Variants in MTAP observed in about 807,000 individuals in gnomAD.
The protein encoded by MTAP is S-methyl-5'-thioadenosine phosphorylase.
MTAP carries 33 observed loss-of-function variants against 33.6 expected under a neutral mutation model. That is an observed-to-expected ratio of 0.98 (90% CI 0.74 to 1.31). The LOEUF (loss-of-function observed/expected upper bound fraction) is 1.31, where lower values mean the gene tolerates loss of function less well. MTAP is among the 40% of genes most tolerant of loss of function. MTAP has a pLI of 0.00. For synonymous variants in MTAP, 148 were observed against 125.7 expected (o/e 1.18, Z -1.19); for missense variants, 367 against 360.0 (o/e 1.02, Z -0.16).
intron 1 of MTAP, among the ~76,000 whole-genome samples, chr9:21,809,590 G>C (rs1587194933): frequency 6.6e-6 from 1 of 150,562 alleles, no homozygotes; most frequent in African/African-American, 2.5e-5. Flanking sequence ...AGTGAGCCGA[G>C]ATCGCACCAC....
intron 4 of MTAP, among the ~76,000 whole-genome samples, chr9:21,825,301 A>T (rs559388312): frequency 6.6e-6 from 1 of 152,132 alleles, no homozygotes; most frequent in African/African-American, 2.4e-5. Flanking sequence ...TGTTGCTTCC[A>T]TATCTTGGCT....
chr9:21,842,633 G>A (rs901460689), intron 5 of MTAP, among the ~76,000 whole-genome samples: 1 of 152,138 alleles, frequency 6.6e-6, no homozygotes, highest in African/African-American at 2.4e-5. Context: ...ATTATTCTCA[G>A]CCAAGAATTT....
At chr9:21,820,167 T>C (rs1191624902) in intron 4 of MTAP, among the ~76,000 whole-genome samples, 3 of 152,230 alleles carry the variant, frequency 2.0e-5, no homozygotes, top group South Asian at 2.1e-4. Context: ...TTTGTCAATT[T>C]TGGCTTTTGT....
chr9:21,805,180 T>C (rs1380220392), intron 1 of MTAP, among the ~76,000 whole-genome samples: 3 of 142,528 alleles, frequency 2.1e-5, no homozygotes, highest in African/African-American at 8.4e-5. Flanking sequence ...TCAGCCCAAG[T>C]ACCTCTCTTC....
At chr9:21,940,269 A>C (rs1332580235), downstream of MTAP, among the ~76,000 whole-genome samples, 3 of 152,240 alleles carry the variant, frequency 2.0e-5, no homozygotes, top group East Asian at 5.8e-4. Flanking sequence ...GTCCCAGCAA[A>C]GTATACTTTG....
chr9:21,894,035 C>A (rs569010718), intron 1 of MTAP, among the ~76,000 whole-genome samples: 1 of 151,642 alleles, frequency 6.6e-6, no homozygotes, highest in Non-Finnish European at 1.5e-5. Flanking sequence ...AGCATTGTAT[C>A]AAAAAGCTAA....
At chr9:21,932,777 A>G (rs1818983599), downstream of MTAP, 1 of 152,180 alleles carries the variant, frequency 6.6e-6, no homozygotes, top group Non-Finnish European at 1.5e-5. Flanking sequence ...TACATGTATA[A>G]AACTCTTTCT....
chr9:21,875,139 A>T (rs1825987326), intron 1 of MTAP, among the ~76,000 whole-genome samples: 1 of 152,084 alleles, frequency 6.6e-6, no homozygotes, highest in African/African-American at 2.4e-5. Flanking sequence ...CAATAAACAT[A>T]GTGTGCATGT....
rs748934916 is a variant in MTAP, at chr9:21,931,138, C to T, written c.278C>T (p.Pro93Leu). 6 of 758,572 alleles carry T rather than the reference C, an allele frequency of 7.9e-6. No homozygotes were observed. In the African/African-American group the frequency reaches 1.0e-4, roughly 13 times the overall value. The allele number at this position is 758,572 out of a possible 1,614,324, so 47.0% of individuals were successfully genotyped here. A position where few individuals can be genotyped will look rare whatever the true frequency, so the allele number is the denominator to read the frequency against. ...AGAGGTGAAATCCTGCCCCTGTCTC[C>T]CTTAGACCTGGCTGGATACTGCTTC... The change falls in exon 2 of 2, where the codon CCC (proline) becomes CTC (leucine). Residue 93 changes from proline to leucine, a missense_variant. Coordinates refer to the MTAP transcript ENST00000577563.
chr9:21,829,813 A>C (rs1824922794), intron 4 of MTAP, among the ~76,000 whole-genome samples: 1 of 152,184 alleles, frequency 6.6e-6, no homozygotes, highest in Non-Finnish European at 1.5e-5. Flanking sequence ...GCTGATTTTT[A>C]GGGTTGTTTT....
At chr9:21,937,892 C>G (rs947918788), downstream of MTAP, among the ~76,000 whole-genome samples, 3 of 152,132 alleles carry the variant, frequency 2.0e-5, no homozygotes, top group Non-Finnish European at 2.9e-5. Context: ...GTAATTCTAG[C>G]ACTTTGGGAG....
In MTAP at chr9:21,925,303, A is replaced by G. The variant is rs964238984; in HGVS notation, c.148-5705A>G. Among the ~76,000 whole-genome samples the G allele has an allele frequency of 4.6e-5, 7 of 152,334 alleles. No homozygotes were observed. The South Asian group carries it at 1.0e-3, about 23-fold the overall frequency. ...TAGACCCAGAGACATCACAAGGGCA[A>G]CTGGTCCTGAAGGACCATTTTTTAA... is the stretch of plus-strand genomic sequence containing the variant. On this transcript the variant is annotated intron_variant, in intron 1 of 1. Transcript: ENST00000577563.
At chr9:21,932,611 C>T (rs1014592908), downstream of MTAP, 17 of 152,086 alleles carry the variant, frequency 1.1e-4, no homozygotes, top group African/African-American at 3.6e-4. Context: ...TTTCCCACAC[C>T]CCTATGATTG....
At chr9:21,816,612 A>G in intron 2 of MTAP, 102 bp from the exon 3 acceptor site, 1 of 946,086 alleles carries the variant, frequency 1.1e-6, no homozygotes, top group Non-Finnish European at 1.6e-6. Flanking sequence ...TTGTATCCTC[A>G]GACTCTTCAG....
chr9:21,848,503 G>A (rs1229362322), intron 5 of MTAP, among the ~76,000 whole-genome samples: 1 of 152,062 alleles, frequency 6.6e-6, no homozygotes, highest in Non-Finnish European at 1.5e-5. Flanking sequence ...TTATTTACTT[G>A]CTTGGTTTGC....
chr9:21,908,985 T>C (rs952577246), intron 1 of MTAP, among the ~76,000 whole-genome samples: 1 of 152,102 alleles, frequency 6.6e-6, no homozygotes, highest in Non-Finnish European at 1.5e-5. Context: ...ATCAGTGTTA[T>C]AACTTTTGCT....
intron 1 of MTAP, among the ~76,000 whole-genome samples, chr9:21,905,551 AT>A (rs1306174413): frequency 6.6e-6 from 1 of 152,140 alleles, no homozygotes; most frequent in Non-Finnish European, 1.5e-5. Context: ...AAAATATAAA[AT>A]TTTTTCACTA....
At chr9:21,847,592 C>A (rs2118433686) in intron 5 of MTAP, among the ~76,000 whole-genome samples, 1 of 152,288 alleles carries the variant, frequency 6.6e-6, no homozygotes, top group East Asian at 1.9e-4. Context: ...TGTGGAATCA[C>A]CCTTAGTGAC....
intron 1 of MTAP, among the ~76,000 whole-genome samples, chr9:21,885,868 G>T (rs539852648): frequency 6.6e-6 from 1 of 151,666 alleles, no homozygotes; most frequent in East Asian, 1.9e-4. Flanking sequence ...ATGGGAATTT[G>T]AGCTGGTTCC....
Sources: gnomAD v4.1 joint callset for allele counts (sites outside exome capture counted in the v4.1 genomes callset) on GRCh38, gnomAD v4.1.1 for gene constraint, MANE v1.5 for transcripts, NCBI Gene and HGNC (gene_info 2026-07-23, HGNC 2026-07-21) for gene names.